The following FHIT variants were observed in gnomAD, a reference collection of about 807,000 sequenced individuals.
FHIT encodes the protein bis(5'-adenosyl)-triphosphatase.
FHIT carries 19 observed loss-of-function variants against 17.9 expected under a neutral mutation model. That is an observed-to-expected ratio of 1.06 (90% CI 0.74 to 1.56). The LOEUF (loss-of-function observed/expected upper bound fraction) is 1.56, where lower values mean the gene tolerates loss of function less well. Ranked by LOEUF, FHIT falls within the 40% of genes most tolerant of loss-of-function variation. FHIT has a pLI of 0.00. For missense variants in FHIT, 248 were observed against 189.2 expected (o/e 1.31, Z -1.82); for synonymous variants, 81 against 69.7 (o/e 1.16, Z -0.81).
intron 1 of FHIT, among the ~76,000 whole-genome samples, chr3:61,246,750 G>A (rs1207343422): frequency 6.6e-6 from 1 of 152,040 alleles, no homozygotes; most frequent in Non-Finnish European, 1.5e-5. Flanking sequence ...AATGCATGCA[G>A]GGCTTAAAAC....
chr3:60,431,142 C>T (rs1315329085), intron 5 of FHIT, among the ~76,000 whole-genome samples: 2 of 151,518 alleles, frequency 1.3e-5, no homozygotes, highest in Admixed American at 1.3e-4. Flanking sequence ...ACTCTGGAGG[C>T]AGAGGCTGCA....
At chr3:60,123,425 T>C (rs1169287961) in intron 5 of FHIT, among the ~76,000 whole-genome samples, 2 of 152,214 alleles carry the variant, frequency 1.3e-5, no homozygotes, top group African/African-American at 2.4e-5. Flanking sequence ...TAACAGTCTC[T>C]GAATTATCTT....
chr3:60,536,226 G>C (rs1367198738), intron 5 of FHIT: 1 of 152,092 alleles, frequency 6.6e-6, no homozygotes, highest in East Asian at 1.9e-4. Flanking sequence ...TAGGAGGAAA[G>C]ACTACAACTC....
Position 60,359,900 on chromosome 3 carries a change from G to A in FHIT, c.103+176960C>T, listed in dbSNP as rs74592269. Among the ~76,000 whole-genome samples, 32 of 151,398 alleles carry A rather than the reference G, an allele frequency of 2.1e-4. No homozygotes were observed. In the East Asian group the frequency reaches 4.1e-3, roughly 19 times the overall value. ...ACAATGATGGGAAATGCAGGATGTA[G>A]CAGAGATCCTTAAAAGCAATTAGCA... On this transcript the variant is annotated intron_variant, in intron 5 of 9. Coordinates refer to ENST00000492590, the MANE Select transcript of FHIT (RefSeq NM_002012.4).
At chr3:61,094,953 A>AC (rs2035594069) in intron 2 of FHIT, among the ~76,000 whole-genome samples, 2 of 152,332 alleles carry the variant, frequency 1.3e-5, no homozygotes, top group South Asian at 4.1e-4. Context: ...TTTTTGGACC[A>AC]CAGTTGACCA....
intron 7 of FHIT, among the ~76,000 whole-genome samples, chr3:59,944,380 A>T (rs1000054610): frequency 1.3e-5 from 2 of 151,956 alleles, no homozygotes; most frequent in Non-Finnish European, 2.9e-5. Context: ...TTGGGGAGGC[A>T]CTCCTGTTCC....
rs1398517950 is a variant in FHIT, at chr3:60,880,291, AT to A, written c.-110-58281del. 9.2e-5 allele frequency among the ~76,000 whole-genome samples: 14 copies of A among 152,256 alleles called. No individual in the cohort carries two copies. In the East Asian group the frequency reaches 2.7e-3, roughly 29 times the overall value. ...TATCCAGCAAATATATCCTTTAGAA[AT>A]GAGGAAGAAATAAAACGTTTCTCAG... On this transcript the variant is annotated intron_variant, in intron 3 of 9. Transcript: ENST00000492590.
intron 5 of FHIT, among the ~76,000 whole-genome samples, chr3:60,205,989 C>T (rs1190484848): frequency 6.7e-6 from 1 of 150,056 alleles, no homozygotes; most frequent in African/African-American, 2.4e-5. Flanking sequence ...AAAAATTAGC[C>T]GGGCGTGGTT....
intron 8 of FHIT, among the ~76,000 whole-genome samples, chr3:59,789,395 T>C (rs554464836): frequency 1.3e-5 from 2 of 152,354 alleles, no homozygotes; most frequent in Admixed American, 1.3e-4. Flanking sequence ...ACTGACTAAC[T>C]CATTTAATCA....
chr3:60,506,728 G>A (rs890483183), intron 5 of FHIT, among the ~76,000 whole-genome samples: 3 of 152,084 alleles, frequency 2.0e-5, no homozygotes, highest in Admixed American at 2.0e-4. Flanking sequence ...TTCCAGATAG[G>A]GGCTGCTTCT....
In FHIT at chr3:61,154,619, G is replaced by A. The variant is rs893730759; in HGVS notation, c.-164+45998C>T. ...TCTCCTGCTACTTCTGAACGGCAGC[G>A]CGTGTCCTTGGGGACATGGGATTTC... On this transcript the variant is annotated intron_variant, in intron 2 of 9. Coordinates refer to ENST00000492590, the MANE Select transcript of FHIT (RefSeq NM_002012.4). Among the ~76,000 whole-genome samples the A allele has an allele frequency of 1.2e-4, 18 of 152,250 alleles. No homozygotes were observed. The South Asian group carries it at 2.9e-3, about 25-fold the overall frequency.
At chr3:60,366,316 G>T (rs1358339332) in intron 5 of FHIT, among the ~76,000 whole-genome samples, 1 of 152,020 alleles carries the variant, frequency 6.6e-6, no homozygotes, top group Non-Finnish European at 1.5e-5. Flanking sequence ...GTAGAGATAG[G>T]GTTTCACCAT....
intron 5 of FHIT, among the ~76,000 whole-genome samples, chr3:60,231,083 G>A (rs770333399): frequency 1.5e-4 from 23 of 152,162 alleles, no homozygotes; most frequent in Non-Finnish European, 2.8e-4. Context: ...AATCTTATGA[G>A]GTTTGGTCAA....
intron 3 of FHIT, among the ~76,000 whole-genome samples, chr3:61,040,610 T>G (rs1473595279): frequency 1.3e-5 from 2 of 149,928 alleles, no homozygotes; most frequent in Non-Finnish European, 3.0e-5. Context: ...TCGTTAATCT[T>G]TAACTTGATG....
chr3:60,046,323 C>G (rs1232347646), intron 5 of FHIT, among the ~76,000 whole-genome samples: 1 of 152,130 alleles, frequency 6.6e-6, no homozygotes, highest in Admixed American at 6.5e-5. Context: ...GGATTTTGAA[C>G]AGAACACCAA....
chr3:60,525,651 AAAT>A (rs2035546109), intron 5 of FHIT, among the ~76,000 whole-genome samples: 4 of 152,276 alleles, frequency 2.6e-5, no homozygotes, highest in South Asian at 2.1e-4. Context: ...CTCCATTTTA[AAAT>A]TCTAGTCTTG....
At chr3:60,668,215 C>T (rs574781758) in intron 4 of FHIT, among the ~76,000 whole-genome samples, 3 of 151,552 alleles carry the variant, frequency 2.0e-5, no homozygotes, top group East Asian at 1.9e-4. Context: ...TGCCTGCCCA[C>T]TTCAGTATTT....
chr3:61,055,607 T>C (rs1276605593), intron 2 of FHIT, among the ~76,000 whole-genome samples: 1 of 152,168 alleles, frequency 6.6e-6, no homozygotes, highest in Non-Finnish European at 1.5e-5. Context: ...GTGATTCCCA[T>C]GTATAACCAC....
chr3:59,897,994 C>A (rs1219674054), intron 8 of FHIT, among the ~76,000 whole-genome samples: 1 of 152,082 alleles, frequency 6.6e-6, no homozygotes, highest in Non-Finnish European at 1.5e-5. Flanking sequence ...GTCTCGATCT[C>A]CTGAACTTGT....
Sources: gnomAD v4.1 joint callset for allele counts (sites outside exome capture counted in the v4.1 genomes callset) on GRCh38, gnomAD v4.1.1 for gene constraint, MANE v1.5 for transcripts, NCBI Gene and HGNC (gene_info 2026-07-23, HGNC 2026-07-21) for gene names.